BANK1: variants seen among roughly 807,000 people sequenced by gnomAD.
BANK1 encodes the protein B cell scaffold protein with ankyrin repeats 1, also known as B-cell scaffold protein with ankyrin repeats.
Under a neutral mutation model 94.5 loss-of-function variants are expected in BANK1, and 95 were observed. That is an observed-to-expected ratio of 1.00 (90% confidence interval 0.85 to 1.19). BANK1 has a LOEUF of 1.19. Ranked by LOEUF, BANK1 falls within the 50% of genes most tolerant of loss-of-function variation. The pLI, the probability that BANK1 is intolerant of heterozygous loss-of-function variation, is 0.00. For missense variants in BANK1, 987 were observed against 932.2 expected, an observed-to-expected ratio of 1.06 and a Z score of -0.77; for synonymous variants, 334 against 308.4, an observed-to-expected ratio of 1.08 and a Z score of -0.87.
At chr4:101,795,633 T>C (rs2148848122) in intron 1 of BANK1, among the ~76,000 whole-genome samples, 1 of 152,310 alleles carries the variant, frequency 6.6e-6, no homozygotes, top group Admixed American at 6.5e-5. Flanking sequence ...AGTAAATTAT[T>C]AGGTCACTAT....
chr4:101,855,241 G>C, intron 3 of BANK1, 52 bp downstream of exon 3: 2 of 1,537,532 alleles, frequency 1.3e-6, no homozygotes, highest in African/African-American at 2.7e-5. Context: ...TATGGTGGTG[G>C]TGGTGGTTGT....
In BANK1 at chr4:101,849,504, C is replaced by T. The variant is rs144196988; in HGVS notation, c.470-5531C>T. The stretch of plus-strand genomic sequence containing the variant: ...TTTAGTTAGGACATGGAGATACACA[C>T]GCACACACACACATATACACACACA... On this transcript the variant is annotated intron_variant, in intron 2 of 16. Transcript: ENST00000322953. 1.3e-3 allele frequency among the ~76,000 whole-genome samples: 199 copies of T among 152,126 alleles called. 3 individuals are homozygous for T. The highest frequency in any genetic ancestry group is 2.6e-4 in the Non-Finnish European group (18 of 67,994).
chr4:101,858,109 A>G (rs1002992158), intron 3 of BANK1, among the ~76,000 whole-genome samples: 2 of 152,126 alleles, frequency 1.3e-5, no homozygotes, highest in African/African-American at 4.8e-5. Context: ...GACCTGATCT[A>G]TTTTTTAGTA....
chr4:101,947,301 A>ATGTATGTATATG (rs1488341107), intron 7 of BANK1, among the ~76,000 whole-genome samples: 1 of 54,098 alleles, frequency 1.8e-5, no homozygotes. Context: ...ATATATATAT[A>ATGTATGTATATG]TATATATATA....
chr4:101,970,194 G>C (rs1724906161), intron 7 of BANK1, among the ~76,000 whole-genome samples: 1 of 152,088 alleles, frequency 6.6e-6, no homozygotes, highest in African/African-American at 2.4e-5. Flanking sequence ...TTATCCCAGA[G>C]GACTGTTGTG....
chr4:101,837,605 T>C (rs1726877947), intron 2 of BANK1, among the ~76,000 whole-genome samples: 2 of 152,200 alleles, frequency 1.3e-5, no homozygotes, highest in South Asian at 4.1e-4. Context: ...AATTTCTCTT[T>C]AAAGAAGCTT....
intron 7 of BANK1, among the ~76,000 whole-genome samples, chr4:101,971,044 A>G (rs777509749): frequency 5.3e-5 from 8 of 152,136 alleles, no homozygotes; most frequent in Non-Finnish European, 1.0e-4. Flanking sequence ...TGAACTCTTC[A>G]TGCAACATAA....
At chr4:102,072,474 T>C (rs1432197016) in intron 15 of BANK1, 74 bp downstream of exon 15, 5 of 1,125,116 alleles carry the variant, frequency 4.4e-6, no homozygotes, top group Non-Finnish European at 6.6e-6. Flanking sequence ...GAGAGCCTTC[T>C]ATCCTGTCTA....
At chr4:101,805,887 A>G (rs1020007679) in intron 1 of BANK1, among the ~76,000 whole-genome samples, 1 of 151,848 alleles carries the variant, frequency 6.6e-6, no homozygotes, top group African/African-American at 2.4e-5. Flanking sequence ...GTATTTTCCA[A>G]TATGAAATTA....
intron 3 of BANK1, among the ~76,000 whole-genome samples, chr4:101,855,784 G>T (rs938004564): frequency 6.6e-6 from 1 of 152,082 alleles, no homozygotes; most frequent in African/African-American, 2.4e-5. Context: ...TGTATTAAAG[G>T]CTGACATTAA....
At chr4:101,800,113 A>G (rs1198590761) in intron 1 of BANK1, among the ~76,000 whole-genome samples, 2 of 92,912 alleles carry the variant, frequency 2.2e-5, no homozygotes, top group Non-Finnish European at 3.9e-5. Flanking sequence ...GCGGAACATC[A>G]CACACCAGGG....
intron 11 of BANK1, 128 bp downstream of exon 11, chr4:102,044,035 TTTA>T (rs988342921): frequency 1.2e-5 from 6 of 513,878 alleles, no homozygotes; most frequent in South Asian, 3.6e-5. Flanking sequence ...TACTCTTTTT[TTTA>T]TTATTATTAT....
At chr4:101,846,022 C>T (rs1291845363) in intron 2 of BANK1, among the ~76,000 whole-genome samples, 1 of 152,134 alleles carries the variant, frequency 6.6e-6, no homozygotes, top group African/African-American at 2.4e-5. Context: ...CCCCTTCCCC[C>T]ACCCCACAAC....
intron 10 of BANK1, among the ~76,000 whole-genome samples, chr4:102,031,247 A>G (rs1194924620): frequency 6.6e-6 from 1 of 152,190 alleles, no homozygotes; most frequent in Non-Finnish European, 1.5e-5. Context: ...TCTTTTGAGA[A>G]GTATCTGTTC....
chr4:101,893,775 A>G (rs1310893696), intron 5 of BANK1, among the ~76,000 whole-genome samples: 1 of 152,074 alleles, frequency 6.6e-6, no homozygotes, highest in Non-Finnish European at 1.5e-5. Context: ...AACCTAAATA[A>G]GTTTAATTTA....
intron 6 of BANK1, among the ~76,000 whole-genome samples, chr4:101,912,841 C>T (rs1396942593): frequency 6.6e-6 from 1 of 151,946 alleles, no homozygotes; most frequent in East Asian, 1.9e-4. Context: ...TGTCTTTGTG[C>T]ATTTTATTAT....
At chr4:101,864,819 G>A (rs1342172742) in intron 4 of BANK1, among the ~76,000 whole-genome samples, 2 of 152,152 alleles carry the variant, frequency 1.3e-5, no homozygotes, top group Non-Finnish European at 2.9e-5. Flanking sequence ...CTTGAGGGGA[G>A]GAGGACCCAG....
intron 7 of BANK1, among the ~76,000 whole-genome samples, chr4:102,007,625 T>G (rs1726349436): frequency 6.6e-6 from 1 of 152,082 alleles, no homozygotes; most frequent in Non-Finnish European, 1.5e-5. Context: ...TTTTAGTACA[T>G]CTATCAGAAA....
Position 102,043,944 on chromosome 4 carries a change from A to C in BANK1, c.1969+37A>C, listed in dbSNP as rs1404433750. 3 of 1,268,660 alleles carry C rather than the reference A, an allele frequency of 2.4e-6. No individual in the cohort carries two copies. In the African/African-American group the frequency reaches 4.4e-5, roughly 19 times the overall value. 78.6% of individuals were successfully genotyped at this position (1,268,660 alleles called of 1,614,324 possible). ...AACTTCAATCTATTTAGTAATCTCTAGGTAAAATATCAAGAAATCTTATGA... is the reference window on the plus strand; with the variant it reads ...AACTTCAATCTATTTAGTAATCTCTCGGTAAAATATCAAGAAATCTTATGA... On this transcript the variant is annotated intron_variant, in intron 11 of 16. Coordinates refer to ENST00000322953, the MANE Select transcript of BANK1 (RefSeq NM_017935.5).
Sources: allele counts gnomAD v4.1 joint callset (sites outside exome capture counted in the v4.1 genomes callset), GRCh38; gene constraint gnomAD v4.1.1; transcripts MANE v1.5; gene names NCBI Gene and HGNC (gene_info 2026-07-23, HGNC 2026-07-21).